Variants in DENND2C observed in about 807,000 individuals in gnomAD.
DENND2C encodes DENN domain containing 2C, also known as DENN domain-containing protein 2C.
Under a neutral mutation model 112.4 loss-of-function variants are expected in DENND2C, and 72 were observed. That is an observed-to-expected ratio of 0.64 (90% CI 0.53 to 0.78). The LOEUF (loss-of-function observed/expected upper bound fraction) is 0.78. Among genes scored for constraint, DENND2C ranks in the 30% least tolerant of loss-of-function variants. The pLI is 0.00. For missense variants in DENND2C, 992 were observed against 1,113.8 expected (o/e 0.89, Z 1.56); for synonymous variants, 329 against 381.6 (o/e 0.86, Z 1.61).
At position 114,626,094 on chromosome 1, in the gene DENND2C, T is replaced by C; in HGVS notation, c.-110A>G. 8.6e-7 allele frequency: 1 copy of C among 1,162,844 alleles called. No individual in the cohort carries two copies. The highest frequency in any genetic ancestry group is 1.7e-5 in the South Asian group (1 of 57,164). 72.0% of individuals were successfully genotyped at this position (1,162,844 alleles called of 1,614,324 possible). On this transcript the variant is annotated 5_prime_UTR_variant, in exon 4 of 21. Transcript: ENST00000393274. ...TCAGAATCCAAATGATTCCAGTATT[T>C]TCCCTTCATGTTTAACTTGTAAATC...
At chr1:114,591,936 G>A (rs1655204725) in intron 18 of DENND2C, among the ~76,000 whole-genome samples, 1 of 151,614 alleles carries the variant, frequency 6.6e-6, no homozygotes, top group Admixed American at 6.6e-5. Flanking sequence ...CCAGGCAGGA[G>A]TGCAGTGGCA....
intron 1 of DENND2C, among the ~76,000 whole-genome samples, chr1:114,662,641 G>GA (rs71093605): frequency 0.021 from 3,059 of 144,096 alleles, 110 homozygotes; most frequent in African/African-American, 0.073. Flanking sequence ...AGATTCATAA[G>GA]AAAAAAAAAA....
intron 2 of DENND2C, among the ~76,000 whole-genome samples, chr1:114,652,894 C>T (rs1447957287): frequency 3.3e-5 from 5 of 151,688 alleles, no homozygotes; most frequent in African/African-American, 7.3e-5. Context: ...CCTAATGCAA[C>T]GTAAATGCTA....
Position 114,621,883 on chromosome 1 carries a change from T to C in DENND2C, c.1227+12A>G, listed in dbSNP as rs776067388. 115 of 1,550,448 alleles carry C rather than the reference T, an allele frequency of 7.4e-5. No individual in the cohort carries two copies. In the Admixed American group the frequency reaches 1.6e-3, roughly 21 times the overall value. On this transcript the variant is annotated intron_variant, in intron 7 of 20. Transcript: ENST00000393274. Reference sequence around the variant, plus strand: ...AGTAAGAGTCAAAGAATGAAAGCACTGGAGTCTTTACCCTTGGAAGATTTT... The same window carrying C: ...AGTAAGAGTCAAAGAATGAAAGCACCGGAGTCTTTACCCTTGGAAGATTTT...
chr1:114,664,101 C>G (rs1657581040), intron 1 of DENND2C, among the ~76,000 whole-genome samples: 1 of 152,012 alleles, frequency 6.6e-6, no homozygotes, highest in African/African-American at 2.4e-5. Flanking sequence ...ACCATGCCAG[C>G]TAATTTTTTA....
intron 18 of DENND2C, among the ~76,000 whole-genome samples, chr1:114,588,991 T>TA (rs1655115742): frequency 1.3e-5 from 2 of 152,348 alleles, no homozygotes; most frequent in Admixed American, 1.3e-4. Context: ...TCTACAAACA[T>TA]AATAATCTAT....
intron 1 of DENND2C, among the ~76,000 whole-genome samples, chr1:114,662,018 T>C (rs1570821129): frequency 6.7e-6 from 1 of 149,626 alleles, no homozygotes; most frequent in Non-Finnish European, 1.5e-5. Flanking sequence ...CATGATTAAA[T>C]TGACCATCAC....
chr1:114,652,661 CTTT>C (rs55647145), intron 2 of DENND2C, among the ~76,000 whole-genome samples: 13,571 of 109,448 alleles, frequency 0.12, 1,093 homozygotes, highest in African/African-American at 0.22. Flanking sequence ...CTTACATTTA[CTTT>C]TTTTTTTTTT....
In DENND2C at chr1:114,604,703, A is replaced by G. The variant is rs533468906; in HGVS notation, c.1667+219T>C. 4.6e-5 allele frequency among the ~76,000 whole-genome samples: 7 copies of G among 151,924 alleles called. No individual in the cohort carries two copies. In the South Asian group the frequency reaches 1.2e-3, roughly 27 times the overall value. ...AACTGGCAAACTGAAGAGACTCTCA[A>G]ATTTGTTTTCCTTTTGACACTGAAA... On this transcript the variant is annotated intron_variant, in intron 11 of 20. Coordinates refer to ENST00000393274, the MANE Select transcript of DENND2C (RefSeq NM_001256404.2).
chr1:114,662,685 A>G (rs1040874882), intron 1 of DENND2C, among the ~76,000 whole-genome samples: 1 of 152,142 alleles, frequency 6.6e-6, no homozygotes, highest in Non-Finnish European at 1.5e-5. Flanking sequence ...AATAGGGGCC[A>G]GGCATAATGG....
Position 114,631,599 on chromosome 1 carries a change from C to T in DENND2C, c.-204-5411G>A, listed in dbSNP as rs550108156. ...GAGATCGAGACCATCCTGGCTAACA[C>T]GGTGAAACCCCATCTCTACTAAAAA... On this transcript the variant is annotated intron_variant, in intron 3 of 20. Transcript: ENST00000393274. Among the ~76,000 whole-genome samples, 5 of 151,664 alleles carry T rather than the reference C, an allele frequency of 3.3e-5. No homozygotes were observed. In the East Asian group the frequency reaches 7.8e-4, roughly 24 times the overall value.
chr1:114,646,977 T>G (rs1389944942), intron 2 of DENND2C, among the ~76,000 whole-genome samples: 1 of 151,774 alleles, frequency 6.6e-6, no homozygotes, highest in African/African-American at 2.4e-5. Context: ...CTGGCCAACA[T>G]GGCGAAACCC....
intron 7 of DENND2C, among the ~76,000 whole-genome samples, chr1:114,618,909 C>A (rs928039255): frequency 6.6e-6 from 1 of 152,124 alleles, no homozygotes; most frequent in Non-Finnish European, 1.5e-5. Flanking sequence ...AAATTCTTCC[C>A]AAGGAGCAGA....
rs148436504 is a variant in DENND2C at position 114,638,254 on chromosome 1, C to T, written c.-205+7194G>A. On this transcript the variant is annotated intron_variant, in intron 3 of 20. Coordinates refer to ENST00000393274, the MANE Select transcript of DENND2C (RefSeq NM_001256404.2). Reference sequence around the variant, plus strand: ...AAAAAAATGAACCTCAACCTTTACCCATAACATTTACAAAATTTAAGTTGA... The same window carrying T: ...AAAAAAATGAACCTCAACCTTTACCTATAACATTTACAAAATTTAAGTTGA... Among the ~76,000 whole-genome samples, 444 of 152,002 alleles carry T rather than the reference C, an allele frequency of 2.9e-3. 1 individual carries two copies. The highest frequency in any genetic ancestry group is 7.5e-3 in the African/African-American group (310 of 41,496).
intron 5 of DENND2C, 80 bp downstream of exon 5, chr1:114,623,427 G>C: frequency 7.2e-7 from 1 of 1,398,520 alleles, no homozygotes; most frequent in Non-Finnish European, 9.8e-7. Context: ...CTTGATTATA[G>C]AAGAAAATAC....
At chr1:114,644,375 C>T (rs748548095) in intron 3 of DENND2C, among the ~76,000 whole-genome samples, 2 of 152,020 alleles carry the variant, frequency 1.3e-5, no homozygotes, top group Non-Finnish European at 2.9e-5. Flanking sequence ...TCCCCAGCAC[C>T]CAGAAGAGTA....
At chr1:114,641,773 A>C (rs905716369) in intron 3 of DENND2C, among the ~76,000 whole-genome samples, 7 of 152,156 alleles carry the variant, frequency 4.6e-5, no homozygotes, top group Non-Finnish European at 2.9e-5. Flanking sequence ...ATGGACAAAT[A>C]CAATAGTCAA....
chr1:114,638,522 G>A (rs575226626), intron 3 of DENND2C, among the ~76,000 whole-genome samples: 2 of 152,232 alleles, frequency 1.3e-5, no homozygotes, highest in Non-Finnish European at 2.9e-5. Context: ...ACTTTGGGGG[G>A]CCCAGGTGGG....
intron 3 of DENND2C, among the ~76,000 whole-genome samples, chr1:114,644,280 A>G (rs1570802195): frequency 1.3e-5 from 2 of 152,096 alleles, no homozygotes; most frequent in Non-Finnish European, 2.9e-5. Context: ...TATTTTCTCC[A>G]TAGAACTTAT....
Sources: allele counts gnomAD v4.1 joint callset (sites outside exome capture counted in the v4.1 genomes callset), GRCh38; gene constraint gnomAD v4.1.1; transcripts MANE v1.5; gene names NCBI Gene and HGNC (gene_info 2026-07-23, HGNC 2026-07-21).